The following SMYD3 variants were observed in gnomAD, a reference collection of about 807,000 sequenced individuals.
SMYD3 encodes SET and MYND domain containing 3, also known as histone-lysine N-methyltransferase SMYD3.
A neutral mutation model predicts 57.7 loss-of-function variants in SMYD3; 36 were observed. That is an observed-to-expected ratio of 0.62 (90% CI 0.48 to 0.82). The LOEUF (loss-of-function observed/expected upper bound fraction) is 0.82. Ranked by LOEUF, SMYD3 falls within the 40% of genes least tolerant of loss-of-function variation. The pLI is 0.00. For missense variants in SMYD3, 515 were observed against 538.8 expected, an observed-to-expected ratio of 0.96 and a Z score of 0.44; for synonymous variants, 211 against 195.0, an observed-to-expected ratio of 1.08 and a Z score of -0.68.
chr1:246,275,061 A>G (rs903585098), intron 5 of SMYD3, among the ~76,000 whole-genome samples: 3 of 152,138 alleles, frequency 2.0e-5, no homozygotes, highest in Non-Finnish European at 4.4e-5. Context: ...ATATAAAGAC[A>G]TTTTTAGGAA....
rs956933431 is a variant in SMYD3, at chr1:245,847,115, T to A, written c.1076+11381A>T. On this transcript the variant is annotated intron_variant, in intron 10 of 11. Coordinates refer to ENST00000490107, the MANE Select transcript of SMYD3 (RefSeq NM_001167740.2). The stretch of plus-strand genomic sequence containing the variant: ...CCATTTCCCTTAACACATCTAACAA[T>A]AAGAATAGTACACATTTTTCCATTC... Among the ~76,000 whole-genome samples the A allele has an allele frequency of 2.6e-5, 4 of 152,162 alleles. 1 individual carries two copies. The highest frequency in any genetic ancestry group is 5.9e-5 in the Non-Finnish European group (4 of 68,022).
intron 1 of SMYD3, among the ~76,000 whole-genome samples, chr1:246,431,248 T>C (rs1299308128): frequency 2.0e-5 from 3 of 152,148 alleles, no homozygotes; most frequent in African/African-American, 4.8e-5. Context: ...AACGCACACA[T>C]AGGATTTTTA....
chr1:245,997,104 A>G (rs1046849538), intron 5 of SMYD3, among the ~76,000 whole-genome samples: 2 of 151,470 alleles, frequency 1.3e-5, no homozygotes, highest in African/African-American at 4.8e-5. Flanking sequence ...AGTTCAGGGC[A>G]TGGATTTTAA....
rs192430437 is a variant in SMYD3 at position 245,939,485 on chromosome 1, A to G, written c.532-9548T>C. 3.5e-4 allele frequency among the ~76,000 whole-genome samples: 54 copies of G among 152,160 alleles called. No homozygotes were observed. The East Asian group carries it at 7.2e-3, about 20-fold the overall frequency. On this transcript the variant is annotated intron_variant, in intron 5 of 11. Transcript: ENST00000490107. ...CTAAAATACAAAAAATTAGCTAGGC[A>G]TGGTGGTGGCAGGTGTCTGTAGTCC... is the stretch of plus-strand genomic sequence containing the variant.
At chr1:245,850,131 G>C (rs1180220996) in intron 10 of SMYD3, among the ~76,000 whole-genome samples, 1 of 152,182 alleles carries the variant, frequency 6.6e-6, no homozygotes, top group Non-Finnish European at 1.5e-5. Flanking sequence ...AATGAGAAAT[G>C]CAAGTGGAAT....
At position 245,762,831 on chromosome 1, in the gene SMYD3, AC is replaced by A. The variant is rs1435012427; in HGVS notation, c.1185+1209del. Among the ~76,000 whole-genome samples the A allele has an allele frequency of 2.6e-5, 4 of 152,264 alleles. No homozygotes were observed. The East Asian group carries it at 7.7e-4, about 29-fold the overall frequency. On this transcript the variant is annotated intron_variant, in intron 11 of 11. Coordinates refer to ENST00000490107, the MANE Select transcript of SMYD3 (RefSeq NM_001167740.2). ...CCGGCCCCTGGACACGCCCTGAGCA[AC>A]CCTGACGCCCGATCCTTCCACCGTC...
rs1553319109 is a variant in SMYD3, at chr1:246,248,632, T to TTG, written c.531+78568_531+78569insCA. Among the ~76,000 whole-genome samples the TTG allele has an allele frequency of 3.8e-3, 367 of 96,942 alleles. 4 individuals are homozygous for TTG. Among genetic ancestry groups the TTG allele is most frequent in the East Asian group, 0.018 (22 of 1,240 alleles). 63.6% of individuals were successfully genotyped at this position (96,942 alleles called of 152,430 possible). ...GCCAGTTATGCAAAAGCTCTCTGAC[T>TTG]TTCCTTTTTTTTTTTTTTTTTTTTT... is the stretch of plus-strand genomic sequence containing the variant. On this transcript the variant is annotated intron_variant, in intron 5 of 11. Transcript: ENST00000490107.
At position 246,161,070 on chromosome 1, in the gene SMYD3, T is replaced by C. The variant is rs79928052; in HGVS notation, c.531+166131A>G. 2.6e-4 allele frequency among the ~76,000 whole-genome samples: 39 copies of C among 152,260 alleles called. 1 individual carries two copies. The East Asian group carries it at 7.3e-3, about 29-fold the overall frequency. On this transcript the variant is annotated intron_variant, in intron 5 of 11. Coordinates refer to ENST00000490107, the MANE Select transcript of SMYD3 (RefSeq NM_001167740.2). ...TCAGACAAGACAGGTGTTCCAGCGA[T>C]TGCTCTAGGTAAGCCTCATTCTCTT...
intron 10 of SMYD3, among the ~76,000 whole-genome samples, chr1:245,828,755 G>A (rs1373830041): frequency 6.6e-6 from 1 of 151,580 alleles, no homozygotes; most frequent in African/African-American, 2.4e-5. Context: ...AGGCTGGAGT[G>A]CAGTGGCATG....
chr1:245,798,390 G>C (rs61831340), intron 10 of SMYD3, among the ~76,000 whole-genome samples: 7 of 55,412 alleles, frequency 1.3e-4, no homozygotes, highest in Admixed American at 3.4e-4. Flanking sequence ...ACACACACGC[G>C]CACACACACA....
intron 5 of SMYD3, among the ~76,000 whole-genome samples, chr1:246,079,571 G>T (rs761285036): frequency 9.9e-5 from 15 of 152,064 alleles, no homozygotes; most frequent in Non-Finnish European, 1.9e-4. Flanking sequence ...CACACTCATG[G>T]GAAACAAAAA....
intron 5 of SMYD3, among the ~76,000 whole-genome samples, chr1:246,208,692 G>A (rs552204675): frequency 6.6e-5 from 10 of 152,232 alleles, no homozygotes; most frequent in African/African-American, 2.2e-4. Flanking sequence ...TCTCGTGGAC[G>A]GTATAAAAAT....
At position 246,172,159 on chromosome 1, in the gene SMYD3, C is replaced by T. The variant is rs551413998; in HGVS notation, c.531+155042G>A. On this transcript the variant is annotated intron_variant, in intron 5 of 11. Coordinates refer to ENST00000490107, the MANE Select transcript of SMYD3 (RefSeq NM_001167740.2). ...GGCCTAGAACACTCACTGTACTCTA[C>T]TGTAGACTATCCACACTGCACGCTT... Among the ~76,000 whole-genome samples the T allele has an allele frequency of 6.6e-5, 10 of 152,312 alleles. No homozygotes were observed. In the South Asian group the frequency reaches 2.1e-3, roughly 32 times the overall value.
chr1:246,081,279 C>T (rs1234010230), intron 5 of SMYD3, among the ~76,000 whole-genome samples: 1 of 152,212 alleles, frequency 6.6e-6, no homozygotes, highest in East Asian at 1.9e-4. Flanking sequence ...TGTTTTCACT[C>T]TGTGGTATCT....
rs530074241 is a variant in SMYD3, at chr1:246,200,573, G to A, written c.531+126628C>T. Among the ~76,000 whole-genome samples the A allele has an allele frequency of 4.0e-5, 5 of 125,612 alleles. No homozygotes were observed. The East Asian group carries it at 5.8e-4, about 15-fold the overall frequency. 82.4% of individuals were successfully genotyped at this position (125,612 alleles called of 152,430 possible). Reference sequence around the variant, plus strand: ...AATAGAGAAGATAGAGGAGAACAGCGTAGACGCTGAGGTAGAATGTACACA... The same window carrying A: ...AATAGAGAAGATAGAGGAGAACAGCATAGACGCTGAGGTAGAATGTACACA... On this transcript the variant is annotated intron_variant, in intron 5 of 11. Transcript: ENST00000490107.
rs372000733 is a variant in SMYD3, at chr1:246,029,334, C to A, written c.532-99397G>T. Reference sequence around the variant, plus strand: ...AAGGAATTAATATCCAAAATATAATCCAGTTAAAAAGTGGGCAAATGATAT... The same window carrying A: ...AAGGAATTAATATCCAAAATATAATACAGTTAAAAAGTGGGCAAATGATAT... On this transcript the variant is annotated intron_variant, in intron 5 of 11. Transcript: ENST00000490107. Among the ~76,000 whole-genome samples, 47 of 152,124 alleles carry A rather than the reference C, an allele frequency of 3.1e-4. 1 individual carries two copies. The highest frequency in any genetic ancestry group is 9.6e-4 in the African/African-American group (40 of 41,512).
intron 8 of SMYD3, among the ~76,000 whole-genome samples, chr1:245,877,891 C>T (rs1459827055): frequency 3.3e-5 from 5 of 152,142 alleles, no homozygotes; most frequent in African/African-American, 9.7e-5. Flanking sequence ...TGGAAGTCAA[C>T]GCCACGCAGG....
intron 5 of SMYD3, chr1:246,053,043 T>G (rs1253889198): frequency 6.6e-6 from 1 of 152,334 alleles, no homozygotes; most frequent in Non-Finnish European, 1.5e-5. Flanking sequence ...TGAAGACCAG[T>G]CTGGGCAACA....
intron 8 of SMYD3, among the ~76,000 whole-genome samples, chr1:245,886,639 G>T (rs1199104390): frequency 6.6e-6 from 1 of 152,156 alleles, no homozygotes; most frequent in African/African-American, 2.4e-5. Flanking sequence ...GAAGAAAGCT[G>T]CCATCATAGA....
Sources: allele counts gnomAD v4.1 joint callset (sites outside exome capture counted in the v4.1 genomes callset), GRCh38; gene constraint gnomAD v4.1.1; transcripts MANE v1.5; gene names NCBI Gene and HGNC (gene_info 2026-07-23, HGNC 2026-07-21).